ATP8A2: variants seen among roughly 807,000 people sequenced by gnomAD.
The protein encoded by ATP8A2 is ATPase phospholipid transporting 8A2.
ATP8A2 carries 100 observed loss-of-function variants against 165.6 expected under a neutral mutation model. The observed-to-expected ratio is 0.60, with a 90% CI of 0.51 to 0.71. ATP8A2 has a LOEUF of 0.71. ATP8A2 is among the 30% of genes least tolerant of loss of function. ATP8A2 has a pLI of 0.00. For synonymous variants in ATP8A2, 543 were observed against 548.8 expected, an observed-to-expected ratio of 0.99 and a Z score of 0.15; for missense variants, 1,227 against 1,479.5, an observed-to-expected ratio of 0.83 and a Z score of 2.80.
At chr13:25,968,898 G>GT in intron 35 of ATP8A2, among the ~76,000 whole-genome samples, 1 of 151,800 alleles carries the variant, frequency 6.6e-6, no homozygotes, top group Non-Finnish European at 1.5e-5. Context: ...GTTTTATTGG[G>GT]TTTAGAAGTG....
chr13:25,823,309 C>A (rs1038614094), intron 27 of ATP8A2, among the ~76,000 whole-genome samples: 1 of 151,788 alleles, frequency 6.6e-6, no homozygotes, highest in Non-Finnish European at 1.5e-5. Flanking sequence ...CTTTGTAAAT[C>A]CAAGCTAAGA....
intron 1 of ATP8A2, among the ~76,000 whole-genome samples, chr13:25,379,315 A>G (rs2032752553): frequency 6.6e-6 from 1 of 152,256 alleles, no homozygotes; most frequent in South Asian, 2.1e-4. Flanking sequence ...GAGACTGATT[A>G]TATAGGAAAC....
At chr13:26,013,139 TGGAGCTCAGGG>T (rs1956884842) in intron 36 of ATP8A2, among the ~76,000 whole-genome samples, 1 of 151,280 alleles carries the variant, frequency 6.6e-6, no homozygotes, top group African/African-American at 2.4e-5. Context: ...CCCCCGACTT[TGGAGCTCAGGG>T]GGAGCTCATG....
chr13:26,011,133 G>GT (rs1956837357), intron 35 of ATP8A2, among the ~76,000 whole-genome samples: 1 of 152,156 alleles, frequency 6.6e-6, no homozygotes. Context: ...TCCCACAAAC[G>GT]TAAGGGGGGT....
intron 22 of ATP8A2, among the ~76,000 whole-genome samples, chr13:25,580,800 CA>C (rs1210776393): frequency 2.0e-5 from 3 of 152,158 alleles, no homozygotes; most frequent in Non-Finnish European, 4.4e-5. Context: ...TCCCAAATCC[CA>C]AAGTACTGGG....
intron 1 of ATP8A2, among the ~76,000 whole-genome samples, chr13:25,462,284 T>G (rs2035524894): frequency 6.6e-6 from 1 of 152,204 alleles, no homozygotes; most frequent in Non-Finnish European, 1.5e-5. Flanking sequence ...TTGTCCATGC[T>G]TCAACGACCA....
At chr13:25,927,013 C>T (rs186741096) in intron 33 of ATP8A2, 35 of 404,234 alleles carry the variant, frequency 8.7e-5, no homozygotes, top group African/African-American at 2.6e-4. Context: ...CTGTGCCTCC[C>T]GCTCCTTCTC....
At chr13:25,983,953 C>G (rs1290882751) in intron 35 of ATP8A2, among the ~76,000 whole-genome samples, 1 of 152,098 alleles carries the variant, frequency 6.6e-6, no homozygotes, top group Non-Finnish European at 1.5e-5. Context: ...TATCTGGAGC[C>G]TGGGTGCAGT....
At chr13:25,771,472 A>G (rs921911814) in intron 26 of ATP8A2, among the ~76,000 whole-genome samples, 4 of 152,162 alleles carry the variant, frequency 2.6e-5, no homozygotes, top group Admixed American at 2.6e-4. Flanking sequence ...CCAGGCAAAT[A>G]TTTGTCTGTC....
chr13:25,564,625 C>T (rs529844486), intron 16 of ATP8A2, among the ~76,000 whole-genome samples: 1 of 152,198 alleles, frequency 6.6e-6, no homozygotes, highest in Non-Finnish European at 1.5e-5. Context: ...TACGACATCA[C>T]ACCACTTCAA....
At chr13:25,759,952 G>A (rs1435454418) in intron 25 of ATP8A2, among the ~76,000 whole-genome samples, 5 of 152,150 alleles carry the variant, frequency 3.3e-5, no homozygotes, top group African/African-American at 4.8e-5. Flanking sequence ...GTGGACATGC[G>A]ATAAAATTGT....
At chr13:25,841,781 T>C (rs1951750689) in intron 30 of ATP8A2, among the ~76,000 whole-genome samples, 1 of 152,220 alleles carries the variant, frequency 6.6e-6, no homozygotes, top group Admixed American at 6.5e-5. Context: ...AAGAGCACCA[T>C]AGACTGGGTA....
intron 24 of ATP8A2, among the ~76,000 whole-genome samples, chr13:25,642,246 C>T (rs932593423): frequency 3.3e-5 from 5 of 152,308 alleles, no homozygotes; most frequent in African/African-American, 1.2e-4. Flanking sequence ...CCAAAATTGA[C>T]TAATGGGATC....
intron 24 of ATP8A2, among the ~76,000 whole-genome samples, chr13:25,691,778 A>G (rs1186425960): frequency 6.6e-6 from 1 of 152,224 alleles, no homozygotes; most frequent in Non-Finnish European, 1.5e-5. Flanking sequence ...TCAGAGCAAA[A>G]AGGTACAAGC....
intron 25 of ATP8A2, among the ~76,000 whole-genome samples, chr13:25,716,259 T>A (rs3132346): frequency 0.24 from 36,852 of 152,098 alleles, 6,699 homozygotes; most frequent in African/African-American, 0.51. Context: ...TGCAAAAAAT[T>A]TTTTCTAATT....
intron 10 of ATP8A2, among the ~76,000 whole-genome samples, chr13:25,544,140 A>G (rs886960619): frequency 5.9e-5 from 9 of 152,260 alleles, no homozygotes; most frequent in African/African-American, 1.9e-4. Context: ...TACCAAGTCT[A>G]GTGCTAGACC....
chr13:25,794,431 A>G (rs968413250), intron 27 of ATP8A2, among the ~76,000 whole-genome samples: 1 of 152,346 alleles, frequency 6.6e-6, no homozygotes, highest in African/African-American at 2.4e-5. Flanking sequence ...ACCCTTTCGT[A>G]TGATTTTGTA....
rs145119022 is a variant in ATP8A2 at position 26,017,182 on chromosome 13, A to G, written c.3470-2706A>G. 6.4e-3 allele frequency among the ~76,000 whole-genome samples: 975 copies of G among 152,220 alleles called. 10 individuals are homozygous for G. Among genetic ancestry groups the G allele is most frequent in the African/African-American group, 0.023 (936 of 41,478 alleles). On this transcript the variant is annotated intron_variant, in intron 36 of 36. Transcript: ENST00000381655. ...TTTGGGGTGACTGTTCTTTACTCAG[A>G]ACCACTTCTGTAGGACTGAGGAGCA... is the stretch of plus-strand genomic sequence containing the variant.
intron 25 of ATP8A2, among the ~76,000 whole-genome samples, chr13:25,743,892 A>G (rs2043970408): frequency 1.3e-5 from 2 of 152,240 alleles, no homozygotes; most frequent in South Asian, 2.1e-4. Context: ...TGATTCATTC[A>G]TTAGTGGACT....
Sources: gnomAD v4.1 joint callset for allele counts (sites outside exome capture counted in the v4.1 genomes callset) on GRCh38, gnomAD v4.1.1 for gene constraint, MANE v1.5 for transcripts, NCBI Gene and HGNC (gene_info 2026-07-23, HGNC 2026-07-21) for gene names.